Variants in RAB27A observed in about 807,000 individuals in gnomAD.
The protein encoded by RAB27A is RAB27A, member RAS oncogene family, also known as ras-related protein Rab-27A.
RAB27A carries 17 observed loss-of-function variants against 20.8 expected under a neutral mutation model. The ratio of observed to expected loss-of-function variants is 0.82; its 90% CI spans 0.56 to 1.23. The LOEUF is 1.23. RAB27A is among the 50% of genes most tolerant of loss of function. The pLI, the probability that RAB27A is intolerant of heterozygous loss-of-function variation, is 0.00. For missense variants in RAB27A, 277 were observed against 266.7 expected (o/e 1.04, Z -0.27); for synonymous variants, 85 against 92.8 (o/e 0.92, Z 0.48).
At position 55,239,945 on chromosome 15, in the gene RAB27A, T is replaced by A. The variant is rs560983620; in HGVS notation, c.-22-4989A>T. Among the ~76,000 whole-genome samples, 5 of 152,220 alleles carry A rather than the reference T, an allele frequency of 3.3e-5. No homozygotes were observed. The South Asian group carries it at 8.3e-4, about 25-fold the overall frequency. ...GCCTGGAGTTAGTGGAATTACCCCA[T>A]CTTTCAGCAGAAAATCATTCTAGTC... On this transcript the variant is annotated intron_variant, in intron 2 of 6. Transcript: ENST00000336787.
intron 2 of RAB27A, among the ~76,000 whole-genome samples, chr15:55,243,486 C>A (rs1357563918): frequency 6.6e-6 from 1 of 151,924 alleles, no homozygotes; most frequent in Non-Finnish European, 1.5e-5. Flanking sequence ...GAAACGCTGT[C>A]TCTACTAAAA....
Position 55,223,932 on chromosome 15 carries a change from C to G in RAB27A, c.424G>C (p.Val142Leu), listed in dbSNP as rs538323738. ...GNKSDLEDQRVVKEEEAIALA... is the reference protein window; with the variant it reads ...GNKSDLEDQRLVKEEEAIALA... ...GCTATGGCTTCCTCCTCTTTCACTA[C>G]TCTCTGGTCCTCCAGATCACTCTTG... The change falls in exon 6 of 7, where the codon GTA (valine) becomes CTA (leucine). Residue 142 changes from valine to leucine, a missense_variant. Val to Leu is a conservative substitution (Grantham distance 32). Transcript: ENST00000336787. The G allele has an allele frequency of 1.9e-5, 30 of 1,613,950 alleles. No individual in the cohort carries two copies. In the Admixed American group the frequency reaches 2.0e-4, roughly 11 times the overall value.
At chr15:55,267,980 T>C (rs1478402984) in intron 2 of RAB27A, among the ~76,000 whole-genome samples, 1 of 152,180 alleles carries the variant, frequency 6.6e-6, no homozygotes, top group Non-Finnish European at 1.5e-5. Flanking sequence ...TTCTTATGGC[T>C]GCAGGGTCAT....
At chr15:55,292,324 G>A (rs552005958), upstream of RAB27A, among the ~76,000 whole-genome samples, 4 of 152,292 alleles carry the variant, frequency 2.6e-5, no homozygotes, top group Admixed American at 6.5e-5. Context: ...GTCCTAAAGC[G>A]ATTAAGCAGT....
intron 5 of RAB27A, among the ~76,000 whole-genome samples, chr15:55,225,787 A>G (rs1286542672): frequency 1.3e-5 from 2 of 152,192 alleles, no homozygotes; most frequent in African/African-American, 4.8e-5. Context: ...TATTTTAAAA[A>G]CTTCACTAAG....
intron 1 of RAB27A, among the ~76,000 whole-genome samples, chr15:55,318,104 T>C (rs2055070683): frequency 6.7e-6 from 1 of 149,808 alleles, no homozygotes. Context: ...TTTTCTTTTT[T>C]TTTTTTTTTT....
intron 1 of RAB27A, among the ~76,000 whole-genome samples, chr15:55,271,170 ACT>A (rs1814305689): frequency 6.6e-6 from 1 of 151,860 alleles, no homozygotes; most frequent in South Asian, 2.1e-4. Flanking sequence ...AGAGTCCATC[ACT>A]CTCCTGTTAA....
chr15:55,243,967 G>C (rs1896591067), intron 2 of RAB27A, among the ~76,000 whole-genome samples: 1 of 152,094 alleles, frequency 6.6e-6, no homozygotes, highest in African/African-American at 2.4e-5. Context: ...TCACATGTTT[G>C]ACAAAGATGC....
Position 55,203,191 on chromosome 15 carries a change from G to A in RAB27A, c.*2316C>T, listed in dbSNP as rs984675370. ...ATATCATGTATACACTTAATTGTAT[G>A]TTTAAGGCCAGTGGAATCTATAGCT... On this transcript the variant is annotated 3_prime_UTR_variant, in exon 7 of 7. Transcript: ENST00000336787. The A allele has an allele frequency of 1.3e-5, 2 of 152,152 alleles. No homozygotes were observed. The highest frequency in any genetic ancestry group is 1.3e-4 in the Admixed American group (2 of 15,268). 9.4% of individuals were successfully genotyped at this position (152,152 alleles called of 1,614,324 possible). A position where few individuals can be genotyped will look rare whatever the true frequency, so the allele number is the denominator to read the frequency against.
Position 55,203,619 on chromosome 15 carries a change from T to C in RAB27A, c.*1888A>G, listed in dbSNP as rs1894504159. 1 of 150,114 alleles carries C rather than the reference T, an allele frequency of 6.7e-6. No individual in the cohort carries two copies. The highest frequency in any genetic ancestry group is 6.7e-5 in the Admixed American group (1 of 14,992). 9.3% of individuals were successfully genotyped at this position (150,114 alleles called of 1,614,324 possible). A position where few individuals can be genotyped will look rare whatever the true frequency, so the allele number is the denominator to read the frequency against. On this transcript the variant is annotated 3_prime_UTR_variant, in exon 7 of 7. Transcript: ENST00000336787. ...TTTTTTTTTTAGTAGAGATGGGGTT[T>C]CACTGTGTTAGCCAGGATGGTCTCG...
At chr15:55,241,452 T>C (rs927226601) in intron 2 of RAB27A, among the ~76,000 whole-genome samples, 2 of 151,856 alleles carry the variant, frequency 1.3e-5, no homozygotes, top group Non-Finnish European at 2.9e-5. Flanking sequence ...GTGGTGTTAA[T>C]TGCCTGGTGA....
intron 2 of RAB27A, among the ~76,000 whole-genome samples, chr15:55,253,893 G>T (rs148601651): frequency 6.6e-6 from 1 of 152,186 alleles, no homozygotes; most frequent in African/African-American, 2.4e-5. Flanking sequence ...CCATGAAGAT[G>T]TAAGTATCCA....
upstream of RAB27A, among the ~76,000 whole-genome samples, chr15:55,292,239 A>C (rs770000600): frequency 6.6e-6 from 1 of 152,194 alleles, no homozygotes; most frequent in African/African-American, 2.4e-5. Context: ...TGACTACATC[A>C]CCTCATACGT....
chr15:55,235,183 C>A (rs2140990999), intron 2 of RAB27A, among the ~76,000 whole-genome samples: 1 of 152,278 alleles, frequency 6.6e-6, no homozygotes, highest in East Asian at 1.9e-4. Context: ...TTTAATTTAA[C>A]ACACAGGTAA....
chr15:55,304,523 C>T (rs1316049367), intron 2 of RAB27A, among the ~76,000 whole-genome samples: 1 of 152,036 alleles, frequency 6.6e-6, no homozygotes, highest in Non-Finnish European at 1.5e-5. Context: ...TTCTCCATCC[C>T]CCCTTCATTC....
chr15:55,224,786 G>A (rs1459779466), intron 5 of RAB27A, among the ~76,000 whole-genome samples: 1 of 152,104 alleles, frequency 6.6e-6, no homozygotes, highest in Non-Finnish European at 1.5e-5. Context: ...TAAAATTAAG[G>A]CCTAAACGTT....
intron 1 of RAB27A, among the ~76,000 whole-genome samples, chr15:55,314,338 T>C (rs2055034535): frequency 6.6e-6 from 1 of 152,118 alleles, no homozygotes; most frequent in Non-Finnish European, 1.5e-5. Context: ...AACACAAGCT[T>C]AATGGAAGCA....
intron 2 of RAB27A, among the ~76,000 whole-genome samples, chr15:55,255,338 C>A (rs1352790203): frequency 3.3e-5 from 5 of 152,190 alleles, no homozygotes; most frequent in Non-Finnish European, 5.9e-5. Flanking sequence ...AATGCTTTGG[C>A]TAACTTGTAC....
intron 1 of RAB27A, among the ~76,000 whole-genome samples, chr15:55,318,490 G>A (rs1418740150): frequency 4.0e-5 from 6 of 150,386 alleles, no homozygotes; most frequent in African/African-American, 1.5e-4. Context: ...GGATCACGAG[G>A]TCAGGAGTTC....
Sources: gnomAD v4.1 joint callset for allele counts (sites outside exome capture counted in the v4.1 genomes callset) on GRCh38, gnomAD v4.1.1 for gene constraint, MANE v1.5 for transcripts, NCBI Gene and HGNC (gene_info 2026-07-23, HGNC 2026-07-21) for gene names.